Variants in BBS9 observed in about 807,000 individuals in gnomAD.
BBS9 encodes protein PTHB1.
Under a neutral mutation model 117.7 loss-of-function variants are expected in BBS9, and 89 were observed. That is an observed-to-expected ratio of 0.76 (90% CI 0.64 to 0.90). The LOEUF is 0.90. Ranked by LOEUF, BBS9 falls within the 40% of genes least tolerant of loss-of-function variation. The pLI, the probability that BBS9 is intolerant of heterozygous loss-of-function variation, is 0.00. For synonymous variants in BBS9, 379 were observed against 370.9 expected (o/e 1.02, Z -0.25); for missense variants, 982 against 1,042.2 (o/e 0.94, Z 0.80).
chr7:33,567,234 A>T (rs1857054497), intron 21 of BBS9, among the ~76,000 whole-genome samples: 1 of 152,194 alleles, frequency 6.6e-6, no homozygotes, highest in Non-Finnish European at 1.5e-5. Flanking sequence ...CCTGAAAAAT[A>T]TATAAACTCA....
In BBS9 at chr7:33,492,218, A is replaced by AAAAAC. The variant is rs1563251623; in HGVS notation, c.2116-13241_2116-13240insCAAAA. Among the ~76,000 whole-genome samples, 46 of 149,572 alleles carry AAAAAC rather than the reference A, an allele frequency of 3.1e-4. 2 individuals carry two copies. The highest frequency in any genetic ancestry group is 1.1e-3 in the African/African-American group (44 of 39,686). ...ATTCCACCTCGAAAAAAAAAACAAA[A>AAAAAC]AAAAAACAAAAAAAAAACTTGGTTG... On this transcript the variant is annotated intron_variant, in intron 19 of 22. Coordinates refer to ENST00000242067, the MANE Select transcript of BBS9 (RefSeq NM_198428.3).
downstream of BBS9, among the ~76,000 whole-genome samples, chr7:33,607,742 A>G (rs1375002318): frequency 6.6e-6 from 1 of 152,100 alleles, no homozygotes; most frequent in African/African-American, 2.4e-5. Context: ...AAAATTACTG[A>G]TAGTTTGCAA....
At chr7:33,625,155 C>T (rs931733663) in intron 21 of BBS9, among the ~76,000 whole-genome samples, 7 of 152,148 alleles carry the variant, frequency 4.6e-5, no homozygotes, top group South Asian at 2.1e-4. Context: ...TACCACCTGA[C>T]GAAGCACAAA....
At chr7:33,157,129 T>C (rs778298883) in intron 4 of BBS9, among the ~76,000 whole-genome samples, 9 of 152,108 alleles carry the variant, frequency 5.9e-5, no homozygotes, top group Non-Finnish European at 8.8e-5. Flanking sequence ...TCTTAGAAGC[T>C]AGAAATTCGA....
At chr7:33,327,044 G>A (rs576233653) in intron 9 of BBS9, among the ~76,000 whole-genome samples, 1 of 152,100 alleles carries the variant, frequency 6.6e-6, no homozygotes, top group South Asian at 2.1e-4. Context: ...GCCCAGTGAA[G>A]CACTAGGACT....
chr7:33,255,794 C>T (rs755840536), intron 5 of BBS9, among the ~76,000 whole-genome samples: 1 of 152,160 alleles, frequency 6.6e-6, no homozygotes, highest in African/African-American at 2.4e-5. Flanking sequence ...CATATACATA[C>T]AACATGCATA....
intron 5 of BBS9, among the ~76,000 whole-genome samples, chr7:33,211,501 T>C (rs970362415): frequency 6.6e-6 from 1 of 152,198 alleles, no homozygotes; most frequent in East Asian, 1.9e-4. Context: ...TTGATTGTTA[T>C]TATCCCCCTG....
intron 4 of BBS9, among the ~76,000 whole-genome samples, chr7:33,174,545 C>T (rs1216745969): frequency 6.6e-6 from 1 of 152,154 alleles, no homozygotes; most frequent in African/African-American, 2.4e-5. Flanking sequence ...GGATTGTTTA[C>T]AACTCAGCAT....
intron 9 of BBS9, among the ~76,000 whole-genome samples, chr7:33,334,800 A>G (rs1182896326): frequency 6.6e-6 from 1 of 152,220 alleles, no homozygotes; most frequent in Non-Finnish European, 1.5e-5. Flanking sequence ...ACTGAGCTCT[A>G]CAGGAGCAGC....
chr7:33,581,895 C>CT (rs1183332274), intron 21 of BBS9, among the ~76,000 whole-genome samples: 10 of 151,620 alleles, frequency 6.6e-5, no homozygotes, highest in East Asian at 1.9e-4. Context: ...CTAATGTACT[C>CT]TTTTTTTTTC....
intron 5 of BBS9, among the ~76,000 whole-genome samples, chr7:33,238,736 T>C (rs985338027): frequency 1.3e-5 from 2 of 152,186 alleles, no homozygotes; most frequent in African/African-American, 4.8e-5. Flanking sequence ...TTAGCCTTTT[T>C]ACTGTGAATT....
intron 14 of BBS9, 40 bp from the exon 15 acceptor site, chr7:33,352,819 T>C: frequency 6.2e-7 from 1 of 1,606,598 alleles, no homozygotes; most frequent in Non-Finnish European, 8.5e-7. Flanking sequence ...TGTTGCCTTC[T>C]TTTCCCCCTA....
intron 17 of BBS9, among the ~76,000 whole-genome samples, chr7:33,374,085 A>AGAACCAAT (rs1400049474): frequency 1.3e-5 from 2 of 152,226 alleles, no homozygotes; most frequent in Non-Finnish European, 2.9e-5. Flanking sequence ...ACAGGTAAAG[A>AGAACCAAT]GAACCAATAA....
intron 19 of BBS9, chr7:33,390,509 A>G: frequency 2.1e-6 from 2 of 970,124 alleles, no homozygotes; most frequent in Non-Finnish European, 2.5e-6. Flanking sequence ...AAGGAAAAAT[A>G]TGAGTACTAT....
intron 6 of BBS9, among the ~76,000 whole-genome samples, chr7:33,261,312 C>A (rs10251272): frequency 6.6e-6 from 1 of 152,032 alleles, no homozygotes; most frequent in East Asian, 1.9e-4. Context: ...CAGTGCTCCT[C>A]GATGGCAGGA....
intron 9 of BBS9, among the ~76,000 whole-genome samples, chr7:33,333,615 A>G (rs1814626293): frequency 6.6e-6 from 1 of 151,934 alleles, no homozygotes; most frequent in African/African-American, 2.4e-5. Context: ...AAACTAAGCT[A>G]TAATGTCTTT....
intron 19 of BBS9, among the ~76,000 whole-genome samples, chr7:33,422,760 T>C (rs1833051188): frequency 6.6e-6 from 1 of 152,192 alleles, no homozygotes; most frequent in Admixed American, 6.5e-5. Context: ...ATGCGAATGT[T>C]CAGTTTATTT....
At chr7:33,253,926 T>A (rs764351459) in intron 5 of BBS9, among the ~76,000 whole-genome samples, 1 of 152,222 alleles carries the variant, frequency 6.6e-6, no homozygotes, top group African/African-American at 2.4e-5. Flanking sequence ...TGTCTAGTGA[T>A]AATTCATGAT....
chr7:33,249,058 G>C (rs1437473062), intron 5 of BBS9, among the ~76,000 whole-genome samples: 1 of 152,098 alleles, frequency 6.6e-6, no homozygotes, highest in Non-Finnish European at 1.5e-5. Context: ...TTTCTTTCAT[G>C]TTTGCTACAC....
Sources: gnomAD v4.1 joint callset for allele counts (sites outside exome capture counted in the v4.1 genomes callset) on GRCh38, gnomAD v4.1.1 for gene constraint, MANE v1.5 for transcripts, NCBI Gene and HGNC (gene_info 2026-07-23, HGNC 2026-07-21) for gene names.